The following QTGAL variants were observed in gnomAD, a reference collection of about 807,000 sequenced individuals.
QTGAL encodes the protein BGnT-like protein 1.
the QTGAL span, among the ~76,000 whole-genome samples, chr17:83,049,534 T>C: frequency 0.24 from 35,394 of 150,006 alleles, 4,575 homozygotes; most frequent in East Asian, 0.4. Context: ...TGCCTCAGCC[T>C]CCCGAGTAGC....
chr17:83,034,674 A>G, the QTGAL span, among the ~76,000 whole-genome samples: 1 of 152,178 alleles, frequency 6.6e-6, no homozygotes, highest in African/African-American at 2.4e-5. Flanking sequence ...AGGCCACTGA[A>G]TCACGGGGGC....
At chr17:82,968,611 T>C in the QTGAL span, among the ~76,000 whole-genome samples, 1 of 151,922 alleles carries the variant, frequency 6.6e-6, no homozygotes, top group East Asian at 1.9e-4. Context: ...CCCTAAAAAG[T>C]GGGAACCTAA....
At chr17:82,974,666 C>G in the QTGAL span, among the ~76,000 whole-genome samples, 80 of 152,304 alleles carry the variant, frequency 5.3e-4, 2 homozygotes, top group East Asian at 0.014. Flanking sequence ...ATTCACCCCC[C>G]ACAGCGGGTG....
chr17:83,039,152 TG>T, the QTGAL span, among the ~76,000 whole-genome samples: 1 of 142,652 alleles, frequency 7.0e-6, no homozygotes, highest in Non-Finnish European at 1.6e-5. Context: ...CTCACCTCCC[TG>T]GGTGCATTTC....
the QTGAL span, among the ~76,000 whole-genome samples, chr17:83,044,142 G>C: frequency 4.6e-5 from 7 of 152,308 alleles, no homozygotes; most frequent in African/African-American, 1.4e-4. Flanking sequence ...TATGAGGCCA[G>C]TATTACTCTG....
the QTGAL span, among the ~76,000 whole-genome samples, chr17:82,971,012 G>A: frequency 4.6e-5 from 7 of 152,158 alleles, no homozygotes; most frequent in South Asian, 2.1e-4. Context: ...ACAGGTCGGC[G>A]TCGTGGGGCG....
the QTGAL span, among the ~76,000 whole-genome samples, chr17:83,012,037 A>G: frequency 1.8e-5 from 1 of 54,304 alleles, no homozygotes; most frequent in Admixed American, 2.1e-4. Flanking sequence ...CACGCCACGA[A>G]CTCCTCGTAT....
the QTGAL span, chr17:82,965,775 G>T: frequency 1.6e-5 from 25 of 1,582,034 alleles, 1 homozygote; most frequent in Middle Eastern, 6.7e-4. Context: ...GACAGAGTTA[G>T]CGGAAAAGAA....
At chr17:83,030,227 C>T in the QTGAL span, among the ~76,000 whole-genome samples, 5 of 152,282 alleles carry the variant, frequency 3.3e-5, no homozygotes, top group East Asian at 9.6e-4. Context: ...TCAAACCTTA[C>T]GGACACCCCT....
chr17:83,032,551 A>AACC, the QTGAL span, among the ~76,000 whole-genome samples: 2 of 147,920 alleles, frequency 1.4e-5, no homozygotes, highest in African/African-American at 5.1e-5. Flanking sequence ...GACTGAGCTC[A>AACC]GGGGCCCAGC....
At chr17:83,050,493 T>C in the QTGAL span, among the ~76,000 whole-genome samples, 1 of 152,232 alleles carries the variant, frequency 6.6e-6, no homozygotes. Flanking sequence ...CAAAATATAA[T>C]GTTTCTATCA....
At chr17:82,987,707 T>C in the QTGAL span, among the ~76,000 whole-genome samples, 2 of 152,248 alleles carry the variant, frequency 1.3e-5, no homozygotes, top group African/African-American at 4.8e-5. Flanking sequence ...GGGAGTGTGA[T>C]GTCTCCAGCT....
At chr17:83,031,838 A>G in the QTGAL span, among the ~76,000 whole-genome samples, 1 of 152,254 alleles carries the variant, frequency 6.6e-6, no homozygotes, top group Non-Finnish European at 1.5e-5. Context: ...CCCTCTGCAC[A>G]TACTGGATCC....
chr17:83,051,240 G>C, the QTGAL span, among the ~76,000 whole-genome samples: 2 of 147,910 alleles, frequency 1.4e-5, no homozygotes, highest in East Asian at 4.0e-4. Context: ...CAGGTGCGCG[G>C]ACCAGGTGTG....
chr17:83,044,177 A>G, the QTGAL span, among the ~76,000 whole-genome samples: 1 of 152,232 alleles, frequency 6.6e-6, no homozygotes, highest in Non-Finnish European at 1.5e-5. Context: ...CAAAGATATC[A>G]TATGAATAGG....
the QTGAL span, among the ~76,000 whole-genome samples, chr17:83,009,029 C>T: frequency 6.6e-6 from 1 of 152,140 alleles, no homozygotes; most frequent in Non-Finnish European, 1.5e-5. Context: ...GTGAACCCAT[C>T]ACACAGAAGG....
the QTGAL span, among the ~76,000 whole-genome samples, chr17:83,040,004 T>C: frequency 1.3e-5 from 2 of 152,142 alleles, no homozygotes; most frequent in African/African-American, 4.8e-5. Flanking sequence ...CGCTTGCCCT[T>C]GAAATACGTC....
the QTGAL span, among the ~76,000 whole-genome samples, chr17:82,964,887 G>A: frequency 1.9e-5 from 2 of 107,362 alleles, 1 homozygote; most frequent in Admixed American, 1.8e-4. Flanking sequence ...GGGGGACGGT[G>A]ACACGGACGC....
the QTGAL span, among the ~76,000 whole-genome samples, chr17:82,972,347 C>A: frequency 7.2e-6 from 1 of 139,322 alleles, no homozygotes; most frequent in Non-Finnish European, 1.5e-5. Flanking sequence ...ACTGACCACA[C>A]CACACCACAG....
Sources: gnomAD v4.1 joint callset for allele counts (sites outside exome capture counted in the v4.1 genomes callset) on GRCh38, gnomAD v4.1.1 for gene constraint, MANE v1.5 for transcripts, NCBI Gene and HGNC (gene_info 2026-07-23, HGNC 2026-07-21) for gene names.